The following CKAP5 variants were observed in gnomAD, a reference collection of about 807,000 sequenced individuals.
CKAP5 encodes the protein cytoskeleton-associated protein 5.
A neutral mutation model predicts 232.8 loss-of-function variants in CKAP5; 27 were observed. That is an observed-to-expected ratio of 0.12 (90% confidence interval 0.09 to 0.16). The LOEUF (loss-of-function observed/expected upper bound fraction) is 0.16, where lower values mean the gene tolerates loss of function less well. CKAP5 is among the 10% of genes least tolerant of loss of function. The pLI is 1.00. For synonymous variants in CKAP5, 785 were observed against 841.1 expected (o/e 0.93, Z 1.16); for missense variants, 1,838 against 2,424.7 (o/e 0.76, Z 5.08).
rs116844355 is a variant in CKAP5, at chr11:46,843,892, C to G, written c.-38+2328G>C. 2.1e-3 allele frequency among the ~76,000 whole-genome samples: 323 copies of G among 152,100 alleles called. 5 individuals carry two copies. In the East Asian group the frequency reaches 0.043, roughly 20 times the overall value. Reference sequence around the variant, plus strand: ...CTACCTAGTATTGCAAAAACAAAACCTGTTGATAAAGTCCTAATAGAAGCT... The same window carrying G: ...CTACCTAGTATTGCAAAAACAAAACGTGTTGATAAAGTCCTAATAGAAGCT... On this transcript the variant is annotated intron_variant, in intron 1 of 43. Coordinates refer to ENST00000529230, the MANE Select transcript of CKAP5 (RefSeq NM_001008938.4).
At chr11:46,755,109 C>T (rs766111498) in intron 35 of CKAP5, 42 bp from the exon 36 acceptor site, 45 of 1,494,610 alleles carry the variant, frequency 3.0e-5, no homozygotes, top group Non-Finnish European at 3.8e-5. Flanking sequence ...AAGCTTCATA[C>T]TTCTAAAATA....
In CKAP5 at chr11:46,797,396, A is replaced by C. The variant is rs545590293; in HGVS notation, c.1338+409T>G. On this transcript the variant is annotated intron_variant, in intron 11 of 43. Coordinates refer to ENST00000529230, the MANE Select transcript of CKAP5 (RefSeq NM_001008938.4). ...AAAACAAAAACAACAACAACAAAAA[A>C]AAAAAAACAAAAATTTTTCGGGTTA... Among the ~76,000 whole-genome samples, 632 of 152,126 alleles carry C rather than the reference A, an allele frequency of 4.2e-3. 4 individuals are homozygous for C. The highest frequency in any genetic ancestry group is 0.014 in the African/African-American group (598 of 41,450).
At chr11:46,757,115 TCC>T (rs2065115977) in intron 35 of CKAP5, among the ~76,000 whole-genome samples, 1 of 152,042 alleles carries the variant, frequency 6.6e-6, no homozygotes, top group South Asian at 2.1e-4. Context: ...CTCTGATGTT[TCC>T]CATGATTCAG....
intron 35 of CKAP5, among the ~76,000 whole-genome samples, chr11:46,756,028 C>G (rs1051484421): frequency 1.3e-5 from 2 of 152,172 alleles, no homozygotes; most frequent in Admixed American, 1.3e-4. Flanking sequence ...CTCCATTTAA[C>G]AGATGAAAAG....
Position 46,770,778 on chromosome 11 carries a change from G to A in CKAP5, c.3186+10C>T, listed in dbSNP as rs754351001. On this transcript the variant is annotated intron_variant, in intron 25 of 43. Transcript: ENST00000529230. Reference sequence around the variant, plus strand: ...CTTTTAACAGCAGTAGCAGCAACAAGAAGTAGTACCTTTAGTTTCCCAGTA... The same window carrying A: ...CTTTTAACAGCAGTAGCAGCAACAAAAAGTAGTACCTTTAGTTTCCCAGTA... 6.2e-7 allele frequency: 1 copy of A among 1,611,152 alleles called. No homozygotes were observed. Among genetic ancestry groups the A allele is most frequent in the Admixed American group, 1.7e-5 (1 of 59,864 alleles).
At chr11:46,767,940 G>A (rs921506795) in intron 26 of CKAP5, among the ~76,000 whole-genome samples, 4 of 151,888 alleles carry the variant, frequency 2.6e-5, no homozygotes, top group Non-Finnish European at 4.4e-5. Flanking sequence ...CTACAGGCCC[G>A]TGCCACCGCA....
At chr11:46,755,213 AT>A in intron 35 of CKAP5, 146 bp from the exon 36 acceptor site, 1 of 616,408 alleles carries the variant, frequency 1.6e-6, no homozygotes, top group South Asian at 3.1e-5. Context: ...TTACTTATTT[AT>A]TTTATTCATT....
At chr11:46,842,208 C>T (rs1050850614) in intron 1 of CKAP5, among the ~76,000 whole-genome samples, 1 of 152,094 alleles carries the variant, frequency 6.6e-6, no homozygotes, top group African/African-American at 2.4e-5. Flanking sequence ...GCTTCTAAGA[C>T]CTCTGGTAAC....
At position 46,752,649 on chromosome 11, in the gene CKAP5, C is replaced by T; in HGVS notation, c.5119G>A (p.Glu1707Lys). Residue 1707 changes from glutamate (E) to lysine (K), a missense_variant, in exon 38 of 44, where the codon GAG becomes AAG. Glu to Lys is a moderately conservative substitution (Grantham distance 56). Transcript: ENST00000529230. ...LATASSPKFS[E>K]LVMKCLWRMV... ...TTCAACTTCACCTTCATAACAAGCT[C>T]TGAGAATTTGGGAGAACTGGCTGTT... is the stretch of plus-strand genomic sequence containing the variant. 6.2e-7 allele frequency: 1 copy of T among 1,612,830 alleles called. No homozygotes were observed. The highest frequency in any genetic ancestry group is 1.3e-5 in the African/African-American group (1 of 74,974).
At chr11:46,785,550 G>A (rs1378391111) in intron 16 of CKAP5, among the ~76,000 whole-genome samples, 2 of 152,114 alleles carry the variant, frequency 1.3e-5, no homozygotes, top group Non-Finnish European at 2.9e-5. Context: ...GGCTGGTCTC[G>A]ATCTCCTGAC....
At chr11:46,750,648 CTTGAG>C (rs745400449) in intron 40 of CKAP5, 37 bp from the exon 41 acceptor site, 70 of 1,519,876 alleles carry the variant, frequency 4.6e-5, no homozygotes, top group Admixed American at 8.8e-5. Flanking sequence ...ATTGGTTAGA[CTTGAG>C]TTATTAATTA....
At chr11:46,782,132 C>CTCTCTG (rs1229289565) in intron 18 of CKAP5, among the ~76,000 whole-genome samples, 4 of 152,066 alleles carry the variant, frequency 2.6e-5, no homozygotes, top group African/African-American at 9.7e-5. Flanking sequence ...GCCTGCCTGC[C>CTCTCTG]TCTCTGTCTC....
At chr11:46,768,641 G>A (rs984367928) in intron 26 of CKAP5, among the ~76,000 whole-genome samples, 51 of 151,200 alleles carry the variant, frequency 3.4e-4, no homozygotes, top group African/African-American at 1.2e-3. Flanking sequence ...GAGTGCAGTG[G>A]TGCGATCGTG....
intron 1 of CKAP5, among the ~76,000 whole-genome samples, chr11:46,823,168 G>A (rs937865386): frequency 7.2e-5 from 11 of 151,978 alleles, no homozygotes; most frequent in African/African-American, 2.7e-4. Flanking sequence ...ACAAGGTCTC[G>A]TTATATTGCC....
rs531875660 is a variant in CKAP5 at position 46,762,713 on chromosome 11, T to C, written c.3941A>G (p.Asn1314Ser). The change falls in exon 31 of 44, where the codon AAC becomes AGC. Residue 1314 changes from asparagine (N) to serine (S), a missense_variant. Around this residue, in one of 6 missense-constraint regions of CKAP5, gnomAD observed 579 missense variants for 843.2 expected, o/e 0.69. Transcript: ENST00000529230. ...VIRKDVRAIL[N>S]RMCLVYPASK... ...AGCTGGGTAGACAAGGCACATCCGGTTCAGGATGGCACGAACATCTTTACG... is the reference window on the plus strand; with the variant it reads ...AGCTGGGTAGACAAGGCACATCCGGCTCAGGATGGCACGAACATCTTTACG... The C allele has an allele frequency of 7.9e-5, 127 of 1,613,990 alleles. No individual in the cohort carries two copies. The South Asian group carries it at 1.2e-3, about 16-fold the overall frequency.
chr11:46,830,440 C>CAAAAA (rs71042623), intron 1 of CKAP5, among the ~76,000 whole-genome samples: 5 of 67,906 alleles, frequency 7.4e-5, no homozygotes, highest in East Asian at 8.2e-4. Context: ...GACTCCGTCT[C>CAAAAA]AAAAAAAAAA....
rs1319837038 is a variant in CKAP5, at chr11:46,792,543, ACT to A, written c.1651-1962_1651-1961del. Among the ~76,000 whole-genome samples, 9 of 147,708 alleles carry A rather than the reference ACT, an allele frequency of 6.1e-5. No individual in the cohort carries two copies. The South Asian group carries it at 1.9e-3, about 31-fold the overall frequency. ...ACTCCAGCTTGGGGGATAAAAGGAG[ACT>A]CTGTCTCAAAAAAAAACAAAAACAA... On this transcript the variant is annotated intron_variant, in intron 13 of 43. Coordinates refer to ENST00000529230, the MANE Select transcript of CKAP5 (RefSeq NM_001008938.4).
chr11:46,763,583 T>G lies in CKAP5; in HGVS notation c.3585A>C (p.Gln1195His). Residue 1195 changes from glutamine (Q) to histidine (H), a missense_variant, in exon 29 of 44, where the codon CAA becomes CAC. Around this residue, in one of 6 missense-constraint regions of CKAP5, gnomAD observed 767 missense variants for 954.6 expected, o/e 0.80. Transcript: ENST00000529230. ...CACAGCTAGACATTTGAGTCTTTAG[T>G]TGCTCAATGTATTCATCCCGTGGGG... ...FTTPRDEYIE[Q>H]LKTQMSSCVA... The G allele has an allele frequency of 1.3e-6, 2 of 1,597,450 alleles. No homozygotes were observed. Among genetic ancestry groups the G allele is most frequent in the Non-Finnish European group, 1.7e-6 (2 of 1,172,972 alleles).
intron 1 of CKAP5, among the ~76,000 whole-genome samples, chr11:46,830,312 G>A (rs1939756870): frequency 1.3e-5 from 2 of 151,578 alleles, no homozygotes; most frequent in Admixed American, 1.3e-4. Context: ...GTGGTGGCAG[G>A]CACCTGTAGT....
Sources: gnomAD v4.1 joint callset for allele counts (sites outside exome capture counted in the v4.1 genomes callset) on GRCh38, gnomAD v4.1.1 for gene constraint, gnomAD v4.1.1 regional missense constraint, MANE v1.5 for transcripts, NCBI Gene and HGNC (gene_info 2026-07-23, HGNC 2026-07-21) for gene names.